The following MBOAT7 variants were observed in gnomAD, a reference collection of about 807,000 sequenced individuals.
The protein encoded by MBOAT7 is membrane bound acylglycerophosphatidylinositol O-acyltransferase MBOAT7.
In MBOAT7, 40 loss-of-function variants were observed where a neutral mutation model predicts 47.4. The ratio of observed to expected loss-of-function variants is 0.84; its 90% CI spans 0.66 to 1.10. The LOEUF is 1.10. Ranked by LOEUF, MBOAT7 falls within the 50% of genes least tolerant of loss-of-function variation. The pLI is 0.00. For missense variants in MBOAT7, 680 were observed against 655.6 expected (o/e 1.04, Z -0.41); for synonymous variants, 361 against 292.0 (o/e 1.24, Z -2.41).
intron 3 of MBOAT7, among the ~76,000 whole-genome samples, 194 bp downstream of exon 3, chr19:54,188,023 A>AAGAG (rs1491180155): frequency 1.1e-5 from 1 of 91,334 alleles, no homozygotes; most frequent in African/African-American, 5.1e-5. Flanking sequence ...CTCAGAAAGA[A>AAGAG]AGAAAGAAAG....
At chr19:54,178,384 T>C in intron 7 of MBOAT7, 4 of 1,161,268 alleles carry the variant, frequency 3.4e-6, no homozygotes, top group Non-Finnish European at 4.3e-6. Context: ...TATCTACCTA[T>C]GAAACCAGTA....
chr19:54,182,258 A>T lies in MBOAT7; in HGVS notation c.494-1125T>A, dbSNP rs1279753711. Among the ~76,000 whole-genome samples, 3 of 152,070 alleles carry T rather than the reference A, an allele frequency of 2.0e-5. No homozygotes were observed. In the East Asian group the frequency reaches 5.8e-4, roughly 29 times the overall value. ...GAAGATAAAAGGAAAAAAAAAACAA[A>T]TTAAAATAAATAAATAAGACCACAT... On this transcript the variant is annotated intron_variant, in intron 5 of 7. Coordinates refer to ENST00000245615, the MANE Select transcript of MBOAT7 (RefSeq NM_024298.5).
intron 7 of MBOAT7, among the ~76,000 whole-genome samples, chr19:54,175,116 C>T (rs998283543): frequency 1.3e-5 from 2 of 151,950 alleles, no homozygotes; most frequent in Non-Finnish European, 2.9e-5. Flanking sequence ...GCTGGGACTA[C>T]AGGCGCCTGC....
Position 54,173,824 on chromosome 19 carries a change from C to G in MBOAT7, c.*220G>C. ...TGGAGCAGGGGCCAGTGACTCTTGT[C>G]TGGACAATACTTTGATTTTGTAGGA... On this transcript the variant is annotated 3_prime_UTR_variant, in exon 8 of 8. Transcript: ENST00000245615. 1 of 521,426 alleles carries G rather than the reference C, an allele frequency of 1.9e-6. No individual in the cohort carries two copies. Among genetic ancestry groups the G allele is most frequent in the South Asian group, 2.9e-5 (1 of 34,456 alleles). The allele number at this position is 521,426 out of a possible 1,614,324, so 32.3% of individuals were successfully genotyped here. A position where few individuals can be genotyped will look rare whatever the true frequency, so the allele number is the denominator to read the frequency against.
chr19:54,177,382 G>A (rs577031048), intron 7 of MBOAT7, among the ~76,000 whole-genome samples: 33 of 151,582 alleles, frequency 2.2e-4, no homozygotes, highest in Middle Eastern at 3.5e-3. Context: ...TGCAAGCTCC[G>A]TCTCCCGGGT....
At chr19:54,176,914 A>G (rs1296458521) in intron 7 of MBOAT7, among the ~76,000 whole-genome samples, 10 of 151,882 alleles carry the variant, frequency 6.6e-5, no homozygotes, top group Non-Finnish European at 1.5e-4. Context: ...GTAAAAAAAA[A>G]ATAATAATAA....
chr19:54,183,439 G>A, intron 5 of MBOAT7, 82 bp downstream of exon 5: 1 of 1,521,882 alleles, frequency 6.6e-7, no homozygotes, highest in Non-Finnish European at 8.9e-7. Flanking sequence ...CCCTGGGCAG[G>A]GCGGGAACAC....
chr19:54,187,605 T>C (rs547747524), intron 3 of MBOAT7, among the ~76,000 whole-genome samples: 2 of 152,134 alleles, frequency 1.3e-5, no homozygotes, highest in African/African-American at 4.8e-5. Flanking sequence ...GAGGTGGATA[T>C]GAATGAATAT....
intron 5 of MBOAT7, among the ~76,000 whole-genome samples, 145 bp downstream of exon 5, chr19:54,183,363 GAGGTGTGAGACGT>G (rs926043565): frequency 3.9e-5 from 6 of 152,218 alleles, no homozygotes; most frequent in African/African-American, 1.2e-4. Context: ...TGGTCCAGCG[GAGGTGTGAGACGT>G]AGACCCAGAC....
chr19:54,187,015 G>C (rs2076444808), intron 4 of MBOAT7, 146 bp downstream of exon 4: 1 of 996,766 alleles, frequency 1.0e-6, no homozygotes, highest in Non-Finnish European at 1.4e-6. Context: ...GGGGAATGCT[G>C]TGCCCAGGGC....
intron 4 of MBOAT7, chr19:54,186,821 G>A: frequency 6.6e-6 from 2 of 303,338 alleles, no homozygotes; most frequent in Non-Finnish European, 1.2e-5. Flanking sequence ...TCTCCCCAGA[G>A]CTGGTTTTTC....
Position 54,186,294 on chromosome 19 carries a change from C to T in MBOAT7, c.333+867G>A, listed in dbSNP as rs558886703. Among the ~76,000 whole-genome samples, 15 of 152,304 alleles carry T rather than the reference C, an allele frequency of 9.8e-5. No homozygotes were observed. In the East Asian group the frequency reaches 2.1e-3, roughly 22 times the overall value. ...CCTCCCAAAGTGCTGGCATTACAGG[C>T]GTGAGCTACTGTGCCCAGCCAGAAC... On this transcript the variant is annotated intron_variant, in intron 4 of 7. Coordinates refer to ENST00000245615, the MANE Select transcript of MBOAT7 (RefSeq NM_024298.5).
Position 54,183,749 on chromosome 19 carries a change from C to T in MBOAT7, c.334-69G>A, listed in dbSNP as rs533332890. 25 of 1,431,606 alleles carry T rather than the reference C, an allele frequency of 1.7e-5. No individual in the cohort carries two copies. The East Asian group carries it at 3.2e-4, about 18-fold the overall frequency. The allele number at this position is 1,431,606 out of a possible 1,614,324, so 88.7% of individuals were successfully genotyped here. A position where few individuals can be genotyped will look rare whatever the true frequency, so the allele number is the denominator to read the frequency against. On this transcript the variant is annotated intron_variant, in intron 4 of 7. Coordinates refer to ENST00000245615, the MANE Select transcript of MBOAT7 (RefSeq NM_024298.5). ...CCCTTCCCCACACCCATCTCCCTTGCGCGGCTGCCCTCGGCAGCCAAGGGG... is the reference window on the plus strand; with the variant it reads ...CCCTTCCCCACACCCATCTCCCTTGTGCGGCTGCCCTCGGCAGCCAAGGGG...
intron 7 of MBOAT7, among the ~76,000 whole-genome samples, chr19:54,176,380 A>T (rs187267279): frequency 1.9e-4 from 29 of 152,256 alleles, no homozygotes; most frequent in Admixed American, 1.6e-3. Context: ...CTGTAATCCC[A>T]GCACTTTGGG....
chr19:54,187,406 C>G, intron 3 of MBOAT7, 119 bp from the exon 4 acceptor site: 1 of 1,282,970 alleles, frequency 7.8e-7, no homozygotes, highest in Non-Finnish European at 1.1e-6. Context: ...GAGACAGAAA[C>G]ACAGAAGGGC....
chr19:54,180,571 A>G lies in MBOAT7; in HGVS notation c.854+202T>C, dbSNP rs2076233149. 1.7e-6 allele frequency: 1 copy of G among 576,690 alleles called. No individual in the cohort carries two copies. Among genetic ancestry groups the G allele is most frequent in the Non-Finnish European group, 3.0e-6 (1 of 332,258 alleles). The allele number at this position is 576,690 out of a possible 1,614,324, so 35.7% of individuals were successfully genotyped here. A position where few individuals can be genotyped will look rare whatever the true frequency, so the allele number is the denominator to read the frequency against. ...CACTGCGGGGTGACAAGCGCTAGCAACAAGGGGCATCTGTCAGTACCAGGG... is the reference window on the plus strand; with the variant it reads ...CACTGCGGGGTGACAAGCGCTAGCAGCAAGGGGCATCTGTCAGTACCAGGG... On this transcript the variant is annotated intron_variant, in intron 6 of 7. Transcript: ENST00000245615. This position sits in a 1 kb window ranked among gnomAD's most constrained non-coding sequence, Gnocchi z 5.2.
intron 7 of MBOAT7, chr19:54,178,463 C>T: frequency 7.5e-7 from 1 of 1,325,124 alleles, no homozygotes; most frequent in Non-Finnish European, 9.6e-7. Flanking sequence ...AAGGTTTCTC[C>T]ATAACCTGGA....
chr19:54,184,300 C>T (rs948041661), intron 4 of MBOAT7, among the ~76,000 whole-genome samples: 4 of 151,312 alleles, frequency 2.6e-5, no homozygotes, highest in East Asian at 1.9e-4. Flanking sequence ...AGGCTGGTCT[C>T]GAACTCCTGG....
rs1287663540 is a variant in MBOAT7 at position 54,188,434 on chromosome 19, G to T, written c.75C>A (p.Ala25=). The T allele has an allele frequency of 6.4e-7, 1 of 1,563,212 alleles. No homozygotes were observed. The highest frequency in any genetic ancestry group is 8.7e-7 in the Non-Finnish European group (1 of 1,152,774). Residue 25 remains alanine (A), a splice_region_variant and synonymous_variant, in exon 2 of 8, where the codon GCC becomes GCA. Transcript: ENST00000245615. ...SIPIGFLFKK[A]GPGLKRWGAA... ...CACTGGGGAGGGAGCCTGACTCACC[G>T]GCTTTCTTAAAGAGGAAGCCGATGG...
Sources: allele counts gnomAD v4.1 joint callset (sites outside exome capture counted in the v4.1 genomes callset), GRCh38; gene constraint gnomAD v4.1.1; non-coding constraint Gnocchi (gnomAD v3.1); transcripts MANE v1.5; gene names NCBI Gene and HGNC (gene_info 2026-07-23, HGNC 2026-07-21).